Variants in CELF5 observed in about 807,000 individuals in gnomAD.
CELF5 encodes CUGBP Elav-like family member 5.
In CELF5, 6 loss-of-function variants were observed where a neutral mutation model predicts 54.9. The observed-to-expected ratio is 0.11, with a 90% CI of 0.06 to 0.22. The LOEUF (loss-of-function observed/expected upper bound fraction) is 0.22, where lower values mean the gene tolerates loss of function less well. CELF5 is among the 10% of genes least tolerant of loss of function. The pLI is 1.00. For missense variants in CELF5, 401 were observed against 678.6 expected (o/e 0.59, Z 4.54); for synonymous variants, 271 against 290.9 (o/e 0.93, Z 0.70).
intron 2 of CELF5, among the ~76,000 whole-genome samples, chr19:3,254,324 TA>T (rs2079689730): frequency 6.6e-6 from 1 of 151,874 alleles, no homozygotes; most frequent in South Asian, 2.1e-4. Context: ...CATGCCTGCC[TA>T]CCTGTCACCC....
chr19:3,250,868 T>C, intron 1 of CELF5, 117 bp from the exon 2 acceptor site: 1 of 651,358 alleles, frequency 1.5e-6, no homozygotes, highest in Non-Finnish European at 2.8e-6. Flanking sequence ...TGTGTAGATC[T>C]ATGCATCTGT....
intron 1 of CELF5, among the ~76,000 whole-genome samples, chr19:3,245,006 CGTGT>C (rs2079545336): frequency 8.7e-6 from 1 of 114,804 alleles, no homozygotes; most frequent in African/African-American, 3.5e-5. Flanking sequence ...TGCATCTGTG[CGTGT>C]GTGTGTAGTG....
At chr19:3,248,099 C>T (rs1335284723) in intron 1 of CELF5, among the ~76,000 whole-genome samples, 2 of 152,126 alleles carry the variant, frequency 1.3e-5, no homozygotes, top group Non-Finnish European at 2.9e-5. Context: ...AGTTCAGTGG[C>T]ATTAAGTACA....
chr19:3,294,555 G>A (rs1242779129), intron 12 of CELF5: 1 of 152,164 alleles, frequency 6.6e-6, no homozygotes, highest in Admixed American at 6.6e-5. Context: ...TACCTGCACA[G>A]AACGCACCTT....
Position 3,228,948 on chromosome 19 carries a change from G to A in CELF5, c.259+3950G>A, listed in dbSNP as rs1461793356. Among the ~76,000 whole-genome samples the A allele has an allele frequency of 8.6e-5, 13 of 151,446 alleles. No individual in the cohort carries two copies. The East Asian group carries it at 9.7e-4, about 11-fold the overall frequency. Reference sequence around the variant, plus strand: ...CGCGCGCCTGGGAAGGACTCCTGCCGGGGTGCTGTGTGGCTTCAAGCTGAG... The same window carrying A: ...CGCGCGCCTGGGAAGGACTCCTGCCAGGGTGCTGTGTGGCTTCAAGCTGAG... On this transcript the variant is annotated intron_variant, in intron 1 of 12. Transcript: ENST00000292672. This position sits in a 1 kb window ranked among gnomAD's most constrained non-coding sequence, Gnocchi z 6.0.
rs2079908364 is a variant in CELF5, at chr19:3,268,116, A to G, written c.343-5756A>G. 6.6e-6 allele frequency among the ~76,000 whole-genome samples: 1 copy of G among 152,080 alleles called. No individual in the cohort carries two copies. The highest frequency in any genetic ancestry group is 6.5e-5 in the Admixed American group (1 of 15,270). On this transcript the variant is annotated intron_variant, in intron 2 of 12. Coordinates refer to ENST00000292672, the MANE Select transcript of CELF5 (RefSeq NM_021938.4). The surrounding 1 kb of genome is among the most constrained non-coding windows in gnomAD (Gnocchi z 4.4). ...TGGGTTCAAGCAATTCTTCTGCCTCAGCCTCCCGAGTAGCTGGGATTACAG... is the reference window on the plus strand; with the variant it reads ...TGGGTTCAAGCAATTCTTCTGCCTCGGCCTCCCGAGTAGCTGGGATTACAG...
intron 4 of CELF5, among the ~76,000 whole-genome samples, chr19:3,276,533 G>A (rs918996360): frequency 6.6e-6 from 1 of 151,142 alleles, no homozygotes; most frequent in African/African-American, 2.4e-5. Flanking sequence ...GGGCTGGCCA[G>A]GTGGGGCGGG....
At chr19:3,256,064 C>CAGAAAAAAA (rs372488135) in intron 2 of CELF5, among the ~76,000 whole-genome samples, 15 of 139,546 alleles carry the variant, frequency 1.1e-4, no homozygotes, top group African/African-American at 1.9e-4. Context: ...GACCCTGTCT[C>CAGAAAAAAA]AAAAAAAAAG....
chr19:3,230,974 C>G (rs1917226950), intron 1 of CELF5, among the ~76,000 whole-genome samples: 1 of 152,214 alleles, frequency 6.6e-6, no homozygotes, highest in South Asian at 2.1e-4. Context: ...TTCACGCCTC[C>G]CAGCCTGAGC....
intron 1 of CELF5, among the ~76,000 whole-genome samples, chr19:3,245,273 CTGTGTGTGTGCGTGTGTGTTTGCATCTG>C (rs1452357973): frequency 7.6e-6 from 1 of 131,036 alleles, no homozygotes; most frequent in South Asian, 2.4e-4. Context: ...GTATGCATCT[CTGTGTGTGTGCGTGTGTGTTTGCATCTG>C]TGTGTGTGTG....
At chr19:3,238,089 C>T (rs1420588755) in intron 1 of CELF5, among the ~76,000 whole-genome samples, 3 of 152,084 alleles carry the variant, frequency 2.0e-5, no homozygotes, top group Non-Finnish European at 4.4e-5. Flanking sequence ...CGCCATGGGT[C>T]ACGCCTGTAA....
Position 3,268,865 on chromosome 19 carries a change from C to CG in CELF5, c.343-5000dup, listed in dbSNP as rs1053685198. Among the ~76,000 whole-genome samples the CG allele has an allele frequency of 2.8e-5, 4 of 140,604 alleles. No homozygotes were observed. Among genetic ancestry groups the CG allele is most frequent in the East Asian group, 2.1e-4 (1 of 4,866 alleles). The allele number at this position is 140,604 out of a possible 152,430, so 92.2% of individuals were successfully genotyped here. On this transcript the variant is annotated intron_variant, in intron 2 of 12. Coordinates refer to ENST00000292672, the MANE Select transcript of CELF5 (RefSeq NM_021938.4). The surrounding 1 kb of genome is among the most constrained non-coding windows in gnomAD (Gnocchi z 4.4). ...TTTGAGGGGTAAGGATGGGGTGCAG[C>CG]GGGGGGGCATTCTGTCACCAGCCAC...
rs945779766 is a variant in CELF5 at position 3,268,554 on chromosome 19, A to G, written c.343-5318A>G. Reference sequence around the variant, plus strand: ...TCCCGTGCCAGGCACTGTGCCCGGCATGCTCTTGGCTGATGGGGATGGAGC... The same window carrying G: ...TCCCGTGCCAGGCACTGTGCCCGGCGTGCTCTTGGCTGATGGGGATGGAGC... On this transcript the variant is annotated intron_variant, in intron 2 of 12. Transcript: ENST00000292672. The surrounding 1 kb of genome is among the most constrained non-coding windows in gnomAD (Gnocchi z 4.4). Among the ~76,000 whole-genome samples the G allele has an allele frequency of 1.3e-5, 2 of 152,094 alleles. No individual in the cohort carries two copies. The highest frequency in any genetic ancestry group is 1.5e-5 in the Non-Finnish European group (1 of 68,006).
chr19:3,224,683 G>T lies in CELF5; in HGVS notation c.-57G>T. On this transcript the variant is annotated 5_prime_UTR_variant, in exon 1 of 13. Coordinates refer to ENST00000292672, the MANE Select transcript of CELF5 (RefSeq NM_021938.4). ...GGCGGGAGGCGCGGCCGCCGCTCCA[G>T]CTGCGAGTCCGCCCGCCGCCCGCCG... The T allele has an allele frequency of 1.0e-6, 1 of 989,974 alleles. No homozygotes were observed. Among genetic ancestry groups the T allele is most frequent in the Non-Finnish European group, 1.2e-6 (1 of 834,004 alleles). The allele number at this position is 989,974 out of a possible 1,614,324, so 61.3% of individuals were successfully genotyped here.
At chr19:3,276,523 G>A (rs2080056019) in intron 4 of CELF5, among the ~76,000 whole-genome samples, 1 of 151,318 alleles carries the variant, frequency 6.6e-6, no homozygotes, top group Non-Finnish European at 1.5e-5. Context: ...ATAGGGGGTG[G>A]GGCTGGCCAG....
chr19:3,225,326 TC>T (rs1429038248), intron 1 of CELF5, among the ~76,000 whole-genome samples: 1 of 77,352 alleles, frequency 1.3e-5, no homozygotes, highest in Non-Finnish European at 2.6e-5. Context: ...CTCTCATCCT[TC>T]CCCCCACAGC....
At chr19:3,267,056 A>G (rs2079892174) in intron 2 of CELF5, among the ~76,000 whole-genome samples, 1 of 151,086 alleles carries the variant, frequency 6.6e-6, no homozygotes, top group South Asian at 2.1e-4. Context: ...CCCACCCAAG[A>G]AAACACCTCT....
At chr19:3,291,924 AC>A (rs1233928826) in intron 11 of CELF5, among the ~76,000 whole-genome samples, 2 of 135,612 alleles carry the variant, frequency 1.5e-5, no homozygotes. Flanking sequence ...CTGGAGTAGA[AC>A]CAGACTCTTT....
At position 3,261,269 on chromosome 19, in the gene CELF5, T is replaced by C. The variant is rs772887171; in HGVS notation, c.342+10202T>C. Among the ~76,000 whole-genome samples, 64 of 151,878 alleles carry C rather than the reference T, an allele frequency of 4.2e-4. 1 individual carries two copies. Among genetic ancestry groups the C allele is most frequent in the Non-Finnish European group, 4.9e-4 (33 of 67,972 alleles). The stretch of plus-strand genomic sequence containing the variant: ...CCCTTGTCTACTAAAAATACAAAAA[T>C]TAGCTGGGCATGGTGGTGCATGCCT... On this transcript the variant is annotated intron_variant, in intron 2 of 12. Transcript: ENST00000292672.
Sources: allele counts gnomAD v4.1 joint callset (sites outside exome capture counted in the v4.1 genomes callset), GRCh38; gene constraint gnomAD v4.1.1; non-coding constraint Gnocchi (gnomAD v3.1); transcripts MANE v1.5; gene names NCBI Gene and HGNC (gene_info 2026-07-23, HGNC 2026-07-21).